ACBD6: variants seen among roughly 807,000 people sequenced by gnomAD.
The protein encoded by ACBD6 is acyl-CoA-binding domain-containing protein 6.
ACBD6 carries 28 observed loss-of-function variants against 37.2 expected under a neutral mutation model. The observed-to-expected ratio is 0.75, with a 90% CI of 0.56 to 1.03. The LOEUF (loss-of-function observed/expected upper bound fraction) is 1.03. Among genes scored for constraint, ACBD6 ranks in the 50% least tolerant of loss-of-function variants. The pLI is 0.00. For synonymous variants in ACBD6, 113 were observed against 126.8 expected, an observed-to-expected ratio of 0.89 and a Z score of 0.73; for missense variants, 340 against 337.4, an observed-to-expected ratio of 1.01 and a Z score of -0.06.
At chr1:180,274,499 A>G in intron 10 of ACBD6, 1 of 1,613,562 alleles carries the variant, frequency 6.2e-7, no homozygotes. Context: ...TGACATCTCC[A>G]CAGGAAGCAG....
chr1:180,389,828 T>C (rs1321345504), intron 6 of ACBD6, among the ~76,000 whole-genome samples: 9 of 152,228 alleles, frequency 5.9e-5, no homozygotes, highest in Admixed American at 6.5e-5. Flanking sequence ...TCATGTCCTT[T>C]GCCCACTTTT....
intron 3 of ACBD6, among the ~76,000 whole-genome samples, chr1:180,473,459 A>AC (rs573220035): frequency 0.1 from 15,561 of 150,882 alleles, 1,208 homozygotes; most frequent in African/African-American, 0.2. Flanking sequence ...AAAAAAAAAA[A>AC]AAAAAACTTT....
intron 6 of ACBD6, among the ~76,000 whole-genome samples, chr1:180,333,570 T>C (rs538283664): frequency 9.2e-5 from 14 of 152,294 alleles, no homozygotes; most frequent in African/African-American, 3.1e-4. Context: ...CAAGAAATAC[T>C]GACAGCTCCC....
intron 3 of ACBD6, among the ~76,000 whole-genome samples, chr1:180,454,876 A>G (rs1649854141): frequency 6.6e-6 from 1 of 152,192 alleles, no homozygotes; most frequent in Non-Finnish European, 1.5e-5. Context: ...AACTACAGGT[A>G]CTGGAGAGGA....
intron 1 of ACBD6, among the ~76,000 whole-genome samples, chr1:180,496,512 G>C (rs1308171811): frequency 2.0e-5 from 3 of 152,078 alleles, no homozygotes; most frequent in Non-Finnish European, 4.4e-5. Context: ...GACTGCCTTA[G>C]GTATTCCTAG....
intron 4 of ACBD6, among the ~76,000 whole-genome samples, chr1:180,418,176 T>C (rs1224999218): frequency 6.6e-6 from 1 of 152,150 alleles, no homozygotes; most frequent in African/African-American, 2.4e-5. Flanking sequence ...AATTTATAAA[T>C]ATAAAACAAT....
intron 6 of ACBD6, among the ~76,000 whole-genome samples, chr1:180,350,025 T>C (rs1159804944): frequency 5.5e-3 from 15 of 2,726 alleles, no homozygotes; most frequent in Admixed American, 8.1e-3. Flanking sequence ...CAGTGACCCT[T>C]TTTTTTTTTT....
At chr1:180,318,331 T>C (rs1009236688) in intron 6 of ACBD6, among the ~76,000 whole-genome samples, 1 of 152,194 alleles carries the variant, frequency 6.6e-6, no homozygotes, top group Non-Finnish European at 1.5e-5. Flanking sequence ...TATTTGAACA[T>C]TTTAAATTGA....
intron 9 of ACBD6, chr1:180,278,028 TC>T (rs1199890452): frequency 6.6e-6 from 1 of 152,190 alleles, no homozygotes; most frequent in Non-Finnish European, 1.5e-5. Flanking sequence ...TCCAACTGCC[TC>T]TTTACAGGAG....
chr1:180,489,810 C>T (rs1651419300), intron 3 of ACBD6, among the ~76,000 whole-genome samples: 1 of 151,974 alleles, frequency 6.6e-6, no homozygotes, highest in Non-Finnish European at 1.5e-5. Flanking sequence ...GCACTTGCCA[C>T]CATTGCTGGC....
At chr1:180,428,224 A>T (rs1205067072) in intron 4 of ACBD6, among the ~76,000 whole-genome samples, 2 of 152,194 alleles carry the variant, frequency 1.3e-5, no homozygotes, top group Non-Finnish European at 2.9e-5. Flanking sequence ...GCCAAGTCTA[A>T]CCAATTTTGC....
intron 7 of ACBD6, among the ~76,000 whole-genome samples, chr1:180,313,092 G>C (rs1234500406): frequency 6.6e-6 from 1 of 152,126 alleles, no homozygotes; most frequent in African/African-American, 2.4e-5. Flanking sequence ...TAAATGTTAA[G>C]TCATCCTTGA....
chr1:180,436,755 G>A (rs967831534), intron 3 of ACBD6, among the ~76,000 whole-genome samples: 2 of 151,664 alleles, frequency 1.3e-5, no homozygotes, highest in Non-Finnish European at 2.9e-5. Flanking sequence ...TTCAAATGCT[G>A]TAATTAACAT....
intron 6 of ACBD6, among the ~76,000 whole-genome samples, chr1:180,363,826 AGAACCTT>A (rs1324126784): frequency 6.6e-6 from 1 of 152,136 alleles, no homozygotes; most frequent in Non-Finnish European, 1.5e-5. Context: ...ATCCTTAGAG[AGAACCTT>A]GAATTCCATT....
At chr1:180,369,575 A>C (rs1205892994) in intron 6 of ACBD6, among the ~76,000 whole-genome samples, 1 of 152,206 alleles carries the variant, frequency 6.6e-6, no homozygotes, top group Non-Finnish European at 1.5e-5. Context: ...CTACAGTTTA[A>C]AGAGATTCTC....
At chr1:180,282,435 T>C (rs1013978588) in intron 8 of ACBD6, among the ~76,000 whole-genome samples, 25 of 152,162 alleles carry the variant, frequency 1.6e-4, no homozygotes, top group African/African-American at 5.8e-4. Context: ...AAATGGTAAA[T>C]AGATTTCAAC....
intron 6 of ACBD6, among the ~76,000 whole-genome samples, chr1:180,380,584 T>C (rs1460249614): frequency 6.6e-6 from 1 of 150,996 alleles, no homozygotes; most frequent in East Asian, 2.0e-4. Flanking sequence ...ATACTCAGTA[T>C]AATAACATGC....
chr1:180,427,739 T>A (rs1259303682), intron 4 of ACBD6, among the ~76,000 whole-genome samples: 2 of 151,980 alleles, frequency 1.3e-5, no homozygotes, highest in Non-Finnish European at 2.9e-5. Context: ...CTGGCTAATA[T>A]GGTGAAACCC....
intron 6 of ACBD6, among the ~76,000 whole-genome samples, chr1:180,322,272 G>T (rs1027109132): frequency 6.6e-6 from 1 of 151,898 alleles, no homozygotes; most frequent in Non-Finnish European, 1.5e-5. Flanking sequence ...CTACTATTTT[G>T]TTGAGGATTT....
Sources: gnomAD v4.1 joint callset for allele counts (sites outside exome capture counted in the v4.1 genomes callset) on GRCh38, gnomAD v4.1.1 for gene constraint, MANE v1.5 for transcripts, NCBI Gene and HGNC (gene_info 2026-07-23, HGNC 2026-07-21) for gene names.